RNF213: variants seen among roughly 807,000 people sequenced by gnomAD.
The protein encoded by RNF213 is ring finger protein 213.
RNF213 carries 341 observed loss-of-function variants against 514.4 expected under a neutral mutation model. That is an observed-to-expected ratio of 0.66 (90% CI 0.61 to 0.73). The LOEUF is 0.73. Ranked by LOEUF, RNF213 falls within the 30% of genes least tolerant of loss-of-function variation. The pLI, the probability that RNF213 is intolerant of heterozygous loss-of-function variation, is 0.00. For missense variants in RNF213, 5,767 were observed against 6,615.6 expected, an observed-to-expected ratio of 0.87 and a Z score of 4.45; for synonymous variants, 2,655 against 2,658.2, an observed-to-expected ratio of 1.00 and a Z score of 0.04.
chr17:80,269,657 AATCT>A lies in RNF213; in HGVS notation c.98-3580_98-3577del, dbSNP rs375519369. Among the ~76,000 whole-genome samples the A allele has an allele frequency of 6.9e-3, 1,045 of 150,818 alleles. 4 individuals carry two copies. Among genetic ancestry groups the A allele is most frequent in the South Asian group, 0.012 (55 of 4,752 alleles). On this transcript the variant is annotated intron_variant, in intron 2 of 67. Coordinates refer to ENST00000582970, the MANE Select transcript of RNF213 (RefSeq NM_001256071.3). ...TAGCTTATCTATCTATTCATCCATC[AATCT>A]ATCCATCCATCCATTCATCTGTTCT...
At chr17:80,289,894 C>G (rs954905844) in intron 6 of RNF213, 57 bp downstream of exon 6, 1 of 1,520,396 alleles carries the variant, frequency 6.6e-7, no homozygotes, top group Non-Finnish European at 9.0e-7. Flanking sequence ...CCGGCACACC[C>G]TCTCCCTGCA....
At chr17:80,303,733 G>A (rs118033223) in intron 11 of RNF213, among the ~76,000 whole-genome samples, 4,945 of 151,424 alleles carry the variant, frequency 0.033, 115 homozygotes, top group Middle Eastern at 0.054. Context: ...ATCACATGTG[G>A]CTAATTTTTG....
At chr17:80,274,899 TGGG>T (rs564689090) in intron 3 of RNF213, among the ~76,000 whole-genome samples, 29 of 61,344 alleles carry the variant, frequency 4.7e-4, no homozygotes, top group African/African-American at 4.6e-4. Flanking sequence ...GTGTGTGTGT[TGGG>T]GGTGTGTGAG....
chr17:80,265,080 C>CTTTTTTTTTTTTTTTTTTTTT (rs2043569146), intron 2 of RNF213, among the ~76,000 whole-genome samples: 3 of 97,130 alleles, frequency 3.1e-5, no homozygotes, highest in African/African-American at 1.1e-4. Context: ...TTTTTTTGTT[C>CTTTTTTTTTTTTTTTTTTTTT]TTGTTGCTCT....
At chr17:80,308,271 C>G (rs971358141) in intron 13 of RNF213, among the ~76,000 whole-genome samples, 8 of 152,172 alleles carry the variant, frequency 5.3e-5, no homozygotes, top group African/African-American at 1.7e-4. Context: ...AGGATCCCCC[C>G]CACAAGCTCC....
Position 80,271,378 on chromosome 17 carries a change from G to A in RNF213, c.98-1863G>A, listed in dbSNP as rs373074337. Among the ~76,000 whole-genome samples, 51 of 152,332 alleles carry A rather than the reference G, an allele frequency of 3.3e-4. No individual in the cohort carries two copies. The East Asian group carries it at 5.8e-3, about 17-fold the overall frequency. ...AGTACTCAAAGGGAAAAAGGTCTGCGTGGTCCCTGCCCTCCAGATCTCAGA... is the reference window on the plus strand; with the variant it reads ...AGTACTCAAAGGGAAAAAGGTCTGCATGGTCCCTGCCCTCCAGATCTCAGA... On this transcript the variant is annotated intron_variant, in intron 2 of 67. Transcript: ENST00000582970.
At chr17:80,364,329 G>A (rs2079171121) in intron 41 of RNF213, 104 bp from the exon 42 acceptor site, 1 of 1,540,670 alleles carries the variant, frequency 6.5e-7, no homozygotes, top group South Asian at 1.1e-5. Context: ...CGCTGGGCCT[G>A]GACCCCGGGT....
intron 31 of RNF213, among the ~76,000 whole-genome samples, chr17:80,350,965 G>T (rs1027208315): frequency 2.6e-5 from 4 of 152,208 alleles, no homozygotes; most frequent in African/African-American, 4.8e-5. Context: ...GTAGGTAAAT[G>T]CTTTTTTTCC....
chr17:80,288,851 G>C lies in RNF213; in HGVS notation c.933+96G>C. On this transcript the variant is annotated intron_variant, in intron 5 of 67. Transcript: ENST00000582970. The surrounding 1 kb of genome is among the most constrained non-coding windows in gnomAD (Gnocchi z 4.9). The stretch of plus-strand genomic sequence containing the variant: ...TTATTCAGCAAATATTTAAGTGCTG[G>C]GGATATAGCCATGATTCAGACAAAG... The C allele has an allele frequency of 2.5e-6, 4 of 1,590,334 alleles. No individual in the cohort carries two copies. Among genetic ancestry groups the C allele is most frequent in the Non-Finnish European group, 3.4e-6 (4 of 1,163,580 alleles).
At chr17:80,393,135 C>T (rs546995134) in intron 67 of RNF213, among the ~76,000 whole-genome samples, 12 of 152,040 alleles carry the variant, frequency 7.9e-5, no homozygotes, top group Admixed American at 1.3e-4. Context: ...TACACCACCA[C>T]GTGCCCAGCT....
intron 2 of RNF213, among the ~76,000 whole-genome samples, chr17:80,266,678 T>G (rs910247387): frequency 5.3e-5 from 8 of 151,852 alleles, no homozygotes; most frequent in Non-Finnish European, 1.2e-4. Flanking sequence ...TTTTTTATAT[T>G]TTTAGTAGAG....
intron 15 of RNF213, chr17:80,315,704 TAA>T (rs1258998056): frequency 6.7e-6 from 1 of 149,162 alleles, no homozygotes; most frequent in Non-Finnish European, 1.5e-5. Flanking sequence ...ATGGTAGAGG[TAA>T]TGGAAGTGAT....
intron 17 of RNF213, 82 bp from the exon 18 acceptor site, chr17:80,324,948 G>T: frequency 1.5e-6 from 2 of 1,290,652 alleles, no homozygotes; most frequent in South Asian, 2.6e-5. Flanking sequence ...AAATGCTATC[G>T]AGTAGGTAAT....
At position 80,346,205 on chromosome 17, in the gene RNF213, G is replaced by C. The variant is rs780035705; in HGVS notation, c.7870G>C (p.Gly2624Arg). 3.3e-5 allele frequency: 53 copies of C among 1,614,034 alleles called. No homozygotes were observed. The highest frequency in any genetic ancestry group is 4.4e-5 in the Non-Finnish European group (52 of 1,180,042). ...VITEVLCASQGFMRKTEDECS... is the reference protein window; with the variant it reads ...VITEVLCASQRFMRKTEDECS... The stretch of plus-strand genomic sequence containing the variant: ...CACAGAAGTCCTCTGCGCCTCTCAG[G>C]GTTTCATGAGGAAAACAGAAGATGA... Residue 2624 changes from glycine to arginine, a missense_variant, in exon 29 of 68, where the codon GGT (glycine) becomes CGT (arginine). Coordinates refer to ENST00000582970, the MANE Select transcript of RNF213 (RefSeq NM_001256071.3). The surrounding 1 kb of genome is among the most constrained non-coding windows in gnomAD (Gnocchi z 8.1).
chr17:80,386,919 C>A, intron 63 of RNF213, 28 bp downstream of exon 63: 1 of 1,588,712 alleles, frequency 6.3e-7, no homozygotes, highest in South Asian at 1.1e-5. Flanking sequence ...CACTGCTGCT[C>A]ATTTGGTGTG....
At chr17:80,276,194 G>A (rs942652134) in intron 3 of RNF213, among the ~76,000 whole-genome samples, 1 of 151,778 alleles carries the variant, frequency 6.6e-6, no homozygotes. Context: ...TCCACCTCCC[G>A]GGTTCAAGCG....
intron 44 of RNF213, among the ~76,000 whole-genome samples, chr17:80,369,022 G>C (rs1261751517): frequency 6.6e-6 from 1 of 152,182 alleles, no homozygotes; most frequent in Non-Finnish European, 1.5e-5. Context: ...TTTCCAGAAA[G>C]GGATGCATGT....
rs1021761797 is a variant in RNF213 at position 80,398,720 on chromosome 17, A to G, written c.*5222A>G. 1 of 151,806 alleles carries G rather than the reference A, an allele frequency of 6.6e-6. No homozygotes were observed. The highest frequency in any genetic ancestry group is 1.5e-5 in the Non-Finnish European group (1 of 67,994). The allele number at this position is 151,806 out of a possible 1,614,324, so 9.4% of individuals were successfully genotyped here. A position where few individuals can be genotyped will look rare whatever the true frequency, so the allele number is the denominator to read the frequency against. On this transcript the variant is annotated 3_prime_UTR_variant, in exon 68 of 68. Transcript: ENST00000582970. ...CAGACAAAGAGGGAGTCAGAGAGAG[A>G]GAGAGAAAGAGACAGAGGCAAAAGG...
Position 80,339,741 on chromosome 17 carries a change from T to G in RNF213, c.5374T>G (p.Phe1792Val). Reference sequence around the variant, plus strand: ...GCAGTCCATGAGGTGCCTTCCTGCCTTCCTGCCCGACTGCCTCGACCTAGA... The same window carrying G: ...GCAGTCCATGAGGTGCCTTCCTGCCGTCCTGCCCGACTGCCTCGACCTAGA... The part of the protein sequence containing the change: ...MEQSMRCLPA[F>V]LPDCLDLETL... Residue 1792 changes from phenylalanine to valine, a missense_variant, in exon 26 of 68, where the codon TTC becomes GTC. Physicochemically the swap from Phe to Val is conservative, Grantham distance 50 (BLOSUM62 -1). Around this residue, in one of 13 missense-constraint regions of RNF213, gnomAD observed 1,377 missense variants for 1,635.2 expected, o/e 0.84. Transcript: ENST00000582970. The G allele has an allele frequency of 6.5e-7, 1 of 1,537,160 alleles. No homozygotes were observed.
Sources: gnomAD v4.1 joint callset for allele counts (sites outside exome capture counted in the v4.1 genomes callset) on GRCh38, gnomAD v4.1.1 for gene constraint, gnomAD v4.1.1 regional missense constraint, Gnocchi (gnomAD v3.1) non-coding constraint, MANE v1.5 for transcripts, NCBI Gene and HGNC (gene_info 2026-07-23, HGNC 2026-07-21) for gene names.